The following RBM46 variants were observed in gnomAD, a reference collection of about 807,000 sequenced individuals.
RBM46 encodes probable RNA-binding protein 46.
In RBM46, 12 loss-of-function variants were observed where a neutral mutation model predicts 43.3. The observed-to-expected ratio is 0.28, with a 90% CI of 0.18 to 0.45. The LOEUF (loss-of-function observed/expected upper bound fraction) is 0.45, where lower values mean the gene tolerates loss of function less well. RBM46 is among the 20% of genes least tolerant of loss of function. The pLI, the probability that RBM46 is intolerant of heterozygous loss-of-function variation, is 1.00. For synonymous variants in RBM46, 205 were observed against 207.6 expected (o/e 0.99, Z 0.11); for missense variants, 412 against 639.1 (o/e 0.64, Z 3.83).
intron 1 of RBM46, among the ~76,000 whole-genome samples, chr4:154,789,314 G>C (rs1164771418): frequency 6.6e-6 from 1 of 152,154 alleles, no homozygotes; most frequent in Admixed American, 6.5e-5. Context: ...CTGTGGGTTT[G>C]TCATAAATAG....
At chr4:154,803,968 A>G (rs1292754161) in intron 4 of RBM46, among the ~76,000 whole-genome samples, 3 of 152,112 alleles carry the variant, frequency 2.0e-5, no homozygotes, top group Non-Finnish European at 4.4e-5. Flanking sequence ...ATGGTGAATG[A>G]TTCCTCACCA....
At chr4:154,800,149 A>G (rs550824853) in intron 4 of RBM46, among the ~76,000 whole-genome samples, 76 of 152,146 alleles carry the variant, frequency 5.0e-4, no homozygotes, top group Middle Eastern at 3.4e-3. Flanking sequence ...TTATTAATTT[A>G]TTGTTTTTTT....
chr4:154,804,264 T>A (rs1167137606), intron 4 of RBM46, among the ~76,000 whole-genome samples: 1 of 152,216 alleles, frequency 6.6e-6, no homozygotes, highest in Non-Finnish European at 1.5e-5. Context: ...ATAGATAGGT[T>A]CTATATTAAA....
chr4:154,807,332 C>T (rs2111167127), intron 4 of RBM46, among the ~76,000 whole-genome samples: 1 of 151,536 alleles, frequency 6.6e-6, no homozygotes, highest in East Asian at 1.9e-4. Context: ...TCCTCTTTGT[C>T]TTACCTTTCT....
chr4:154,796,591 A>G (rs1342299865), intron 1 of RBM46, among the ~76,000 whole-genome samples, 151 bp from the exon 2 acceptor site: 2 of 152,234 alleles, frequency 1.3e-5, no homozygotes, highest in Non-Finnish European at 2.9e-5. Context: ...ACTGTAGGGA[A>G]GAGCTTTGGG....
chr4:154,796,016 A>G, intron 1 of RBM46, among the ~76,000 whole-genome samples: 1 of 152,030 alleles, frequency 6.6e-6, no homozygotes, highest in East Asian at 1.9e-4. Context: ...ATAAAAACAA[A>G]AATTAGCCAG....
intron 4 of RBM46, among the ~76,000 whole-genome samples, chr4:154,821,898 C>G (rs1735737701): frequency 6.6e-6 from 1 of 151,648 alleles, no homozygotes; most frequent in African/African-American, 2.4e-5. Flanking sequence ...TACTAGCATC[C>G]TAGGTAATTG....
chr4:154,811,133 G>A (rs529123103), intron 4 of RBM46, among the ~76,000 whole-genome samples: 2 of 152,278 alleles, frequency 1.3e-5, no homozygotes, highest in Admixed American at 6.5e-5. Context: ...GAAGTAGTAC[G>A]GGGTGTTATG....
intron 1 of RBM46, among the ~76,000 whole-genome samples, chr4:154,785,775 T>A (rs921506926): frequency 1.3e-5 from 2 of 152,216 alleles, no homozygotes; most frequent in South Asian, 4.1e-4. Context: ...TTCAGAGTTA[T>A]GAATTTCTGA....
At chr4:154,804,796 AC>A (rs1734825279) in intron 4 of RBM46, among the ~76,000 whole-genome samples, 1 of 149,760 alleles carries the variant, frequency 6.7e-6, no homozygotes, top group South Asian at 2.1e-4. Context: ...GTTGTTCTGG[AC>A]AAAAATGATT....
chr4:154,818,198 C>T (rs976648904), intron 4 of RBM46, among the ~76,000 whole-genome samples: 6 of 152,096 alleles, frequency 3.9e-5, no homozygotes, highest in Non-Finnish European at 5.9e-5. Flanking sequence ...TCTGTTTCTT[C>T]CATCTCTAAG....
intron 4 of RBM46, among the ~76,000 whole-genome samples, chr4:154,825,427 TC>T (rs1398001032): frequency 2.0e-5 from 3 of 152,156 alleles, no homozygotes; most frequent in African/African-American, 2.4e-5. Context: ...CTAGATGTCT[TC>T]CTGAATATAT....
Position 154,798,122 on chromosome 4 carries a change from G to A in RBM46, c.463G>A (p.Glu155Lys). 1 of 1,613,870 alleles carries A rather than the reference G, an allele frequency of 6.2e-7. No individual in the cohort carries two copies. Residue 155 changes from glutamate to lysine, a missense_variant, in exon 3 of 5, where the codon GAA (glutamate) becomes AAA (lysine). Physicochemically the swap from Glu to Lys is moderately conservative, Grantham distance 56. This residue lies in a region of RBM46 where 48 missense variants were observed against 78.9 expected (regional missense o/e 0.61). Coordinates refer to ENST00000281722, the MANE Select transcript of RBM46 (RefSeq NM_144979.5). ...IGAIPKEKKK[E>K]EILDEMKKVT... ...AGCTATTCCCAAGGAAAAGAAGAAA[G>A]AAGAAATTTTAGATGAAATGAAGAA...
chr4:154,825,319 G>T (rs1421309827), intron 4 of RBM46, among the ~76,000 whole-genome samples: 2 of 152,082 alleles, frequency 1.3e-5, no homozygotes, highest in Non-Finnish European at 2.9e-5. Flanking sequence ...CAATAGATCT[G>T]AGGAAAACAT....
At position 154,807,260 on chromosome 4, in the gene RBM46, C is replaced by G. The variant is rs545456108; in HGVS notation, c.1402+7696C>G. 1.7e-4 allele frequency among the ~76,000 whole-genome samples: 26 copies of G among 151,704 alleles called. No individual in the cohort carries two copies. The South Asian group carries it at 4.2e-3, about 24-fold the overall frequency. On this transcript the variant is annotated intron_variant, in intron 4 of 4. Coordinates refer to ENST00000281722, the MANE Select transcript of RBM46 (RefSeq NM_144979.5). ...AGTTCATAATTTTGCCACATGATGT[C>G]CCTAAATACGTATTTTTAATGTGGC... is the stretch of plus-strand genomic sequence containing the variant.
At chr4:154,799,687 A>C in intron 4 of RBM46, 123 bp downstream of exon 4, 8 of 617,036 alleles carry the variant, frequency 1.3e-5, no homozygotes, top group Non-Finnish European at 2.0e-5. Context: ...ATTTTATCTC[A>C]ATTTTATAAA....
intron 4 of RBM46, chr4:154,827,576 G>T: frequency 8.9e-7 from 1 of 1,118,184 alleles, no homozygotes; most frequent in Non-Finnish European, 1.1e-6. Context: ...GAAATGAGAC[G>T]TTCTCTTTTT....
intron 4 of RBM46, among the ~76,000 whole-genome samples, chr4:154,814,526 T>C (rs890294182): frequency 5.3e-5 from 8 of 151,986 alleles, no homozygotes; most frequent in African/African-American, 1.9e-4. Flanking sequence ...GAAATTTAAT[T>C]CTTATACATT....
At chr4:154,823,657 C>T (rs932473433) in intron 4 of RBM46, among the ~76,000 whole-genome samples, 9 of 151,908 alleles carry the variant, frequency 5.9e-5, no homozygotes, top group African/African-American at 1.9e-4. Context: ...ACAAGAAATA[C>T]ATTGAAGCAA....
Sources: gnomAD v4.1 joint callset for allele counts (sites outside exome capture counted in the v4.1 genomes callset) on GRCh38, gnomAD v4.1.1 for gene constraint, gnomAD v4.1.1 regional missense constraint, MANE v1.5 for transcripts, NCBI Gene and HGNC (gene_info 2026-07-23, HGNC 2026-07-21) for gene names.